EFHC2: variants seen among roughly 807,000 people sequenced by gnomAD.
EFHC2 encodes EF-hand domain containing 2, also known as EF-hand domain-containing family member C2.
Under a neutral mutation model 52.7 loss-of-function variants are expected in EFHC2, and 18 were observed. That is an observed-to-expected ratio of 0.34 (90% confidence interval 0.24 to 0.51). EFHC2 has a LOEUF of 0.51. Among genes scored for constraint, EFHC2 ranks in the 20% least tolerant of loss-of-function variants. The pLI is 0.97. For missense variants in EFHC2, 513 were observed against 562.5 expected, an observed-to-expected ratio of 0.91 and a Z score of 0.89; for synonymous variants, 203 against 204.1, an observed-to-expected ratio of 0.99 and a Z score of 0.04.
At chrX:44,213,495 A>T (rs1015240468) in intron 11 of EFHC2, among the ~76,000 whole-genome samples, 1 of 111,782 alleles carries the variant, frequency 8.9e-6, no homozygotes, top group African/African-American at 3.3e-5. Context: ...TACATGTAAG[A>T]TATACTTGTT....
chrX:44,338,443 T>C (rs757070360), intron 1 of EFHC2, among the ~76,000 whole-genome samples: 143 of 109,910 alleles, frequency 1.3e-3, no homozygotes, highest in African/African-American at 4.7e-3. Context: ...TGAGGCTGCG[T>C]GCAGTGAACT....
Position 44,286,840 on chromosome X carries a change from C to T in EFHC2, c.232-14004G>A, listed in dbSNP as rs189969505. ...ACCAGCCTGGGCAACATAGTGAAAC[C>T]TCGTCTCTACAAAAAAAAAATAAAA... On this transcript the variant is annotated intron_variant, in intron 2 of 14. Transcript: ENST00000420999. Among the ~76,000 whole-genome samples, 170 of 103,925 alleles carry T rather than the reference C, an allele frequency of 1.6e-3. 1 individual carries two copies. Among genetic ancestry groups the T allele is most frequent in the African/African-American group, 5.8e-3 (164 of 28,461 alleles). 90.2% of individuals were successfully genotyped at this position (103,925 alleles called of 115,157 possible). A position where few individuals can be genotyped will look rare whatever the true frequency, so the allele number is the denominator to read the frequency against.
At chrX:44,275,125 A>C (rs12116166) in intron 2 of EFHC2, among the ~76,000 whole-genome samples, 4 of 111,648 alleles carry the variant, frequency 3.6e-5, no homozygotes, top group African/African-American at 1.3e-4. Flanking sequence ...GCATAGGTCA[A>C]TTGACAACTG....
intron 7 of EFHC2, among the ~76,000 whole-genome samples, chrX:44,246,202 T>C (rs2037399811): frequency 8.9e-6 from 1 of 111,864 alleles, no homozygotes; most frequent in Admixed American, 9.5e-5. Flanking sequence ...CTAAGCAACA[T>C]TAAGGATATT....
At chrX:44,335,758 CAT>C (rs1391592410) in intron 1 of EFHC2, among the ~76,000 whole-genome samples, 1 of 111,994 alleles carries the variant, frequency 8.9e-6, no homozygotes, top group Non-Finnish European at 1.9e-5. Flanking sequence ...TTTTTGAACT[CAT>C]GTTATATTTT....
intron 2 of EFHC2, chrX:44,309,480 C>T (rs2037929301): frequency 1.7e-6 from 2 of 1,202,564 alleles, no homozygotes; most frequent in Admixed American, 4.3e-5. Flanking sequence ...AACCCAGTTC[C>T]AGCATAAGTC....
intron 1 of EFHC2, among the ~76,000 whole-genome samples, chrX:44,318,604 T>C (rs925890816): frequency 8.9e-6 from 1 of 112,310 alleles, no homozygotes; most frequent in Non-Finnish European, 1.9e-5. Flanking sequence ...ATGAGCTATA[T>C]GATGACCAAG....
At chrX:44,337,764 C>T (rs745382339) in intron 1 of EFHC2, among the ~76,000 whole-genome samples, 14 of 111,906 alleles carry the variant, frequency 1.3e-4, no homozygotes, top group African/African-American at 4.5e-4. Context: ...ATTACCATTT[C>T]GCATTCCCAC....
chrX:44,248,401 C>T lies in EFHC2; in HGVS notation c.982G>A (p.Val328Ile). The change falls in exon 7 of 15, where the codon GTA becomes ATA. Residue 328 changes from valine (V) to isoleucine (I), a missense_variant. By Grantham distance (29) the Val-to-Ile change is conservative. Transcript: ENST00000420999. ...CTATCTTTGTAAAACTCTTGGTCTA[C>T]TTTTCCTAGCTAAAAAAGACAAAGG... ...YLFDRYKLGK[V>I]DQEFYKDSDL... 2 of 1,187,789 alleles carry T rather than the reference C, an allele frequency of 1.7e-6. No individual in the cohort carries two copies. The highest frequency in any genetic ancestry group is 3.7e-5 in the South Asian group (2 of 53,611).
chrX:44,220,821 C>T (rs1158279536), intron 11 of EFHC2, among the ~76,000 whole-genome samples: 1 of 111,978 alleles, frequency 8.9e-6, no homozygotes, highest in Non-Finnish European at 1.9e-5. Flanking sequence ...TATCAATCCA[C>T]CTGTCCAAAT....
At chrX:44,196,764 G>A (rs1387230005) in intron 11 of EFHC2, among the ~76,000 whole-genome samples, 2 of 112,270 alleles carry the variant, frequency 1.8e-5, no homozygotes, top group African/African-American at 6.5e-5. Flanking sequence ...TGGAACTAAT[G>A]TCATGGATAT....
intron 4 of EFHC2, among the ~76,000 whole-genome samples, chrX:44,252,097 G>A (rs752319235): frequency 9.7e-4 from 108 of 111,503 alleles, no homozygotes; most frequent in African/African-American, 3.4e-3. Context: ...AGAATGCCCC[G>A]GAGAAACAGG....
intron 11 of EFHC2, among the ~76,000 whole-genome samples, chrX:44,214,922 T>G (rs949758234): frequency 1.8e-5 from 2 of 111,331 alleles, no homozygotes; most frequent in Non-Finnish European, 3.8e-5. Context: ...TATGATGTGG[T>G]TTGGTTCTGT....
rs777899751 is a variant in EFHC2 at position 44,282,054 on chromosome X, C to G, written c.232-9218G>C. On this transcript the variant is annotated intron_variant, in intron 2 of 14. Transcript: ENST00000420999. ...CCTCCTCTCAGGAACTCCATTTCCCCGCACGTAGTCCAAAGAAACAACCCA... is the reference window on the plus strand; with the variant it reads ...CCTCCTCTCAGGAACTCCATTTCCCGGCACGTAGTCCAAAGAAACAACCCA... Among the ~76,000 whole-genome samples the G allele has an allele frequency of 4.5e-5, 5 of 110,372 alleles. No homozygotes were observed. The South Asian group carries it at 1.9e-3, about 43-fold the overall frequency.
chrX:44,185,622 G>C (rs749081850), intron 11 of EFHC2, among the ~76,000 whole-genome samples: 7 of 109,812 alleles, frequency 6.4e-5, no homozygotes, highest in Non-Finnish European at 1.1e-4. Flanking sequence ...CTGCAACCAC[G>C]AACTCCTGAG....
At chrX:44,304,982 C>G (rs746824019) in intron 2 of EFHC2, among the ~76,000 whole-genome samples, 1 of 110,583 alleles carries the variant, frequency 9.0e-6, no homozygotes, top group Non-Finnish European at 1.9e-5. Context: ...TTAATGCAAG[C>G]CAGGCGTGGT....
In EFHC2 at chrX:44,261,283, C is replaced by T. The variant is rs775518457; in HGVS notation, c.398G>A (p.Arg133His). ...AGGAGGCGGAAGAGTAATCCGATGACGCCGGATAGAAGTCCCTATGGCATG... is the reference window on the plus strand; with the variant it reads ...AGGAGGCGGAAGAGTAATCCGATGATGCCGGATAGAAGTCCCTATGGCATG... ...SGLLQGTSIR[R>H]HRITLPPPDE... is the part of the protein sequence containing the mutation. The change falls in exon 4 of 15, where the codon CGT becomes CAT. Residue 133 changes from arginine (R) to histidine (H), a missense_variant. Transcript: ENST00000420999. The T allele has an allele frequency of 1.2e-5, 14 of 1,186,714 alleles. No homozygotes were observed. The East Asian group carries it at 2.4e-4, about 20-fold the overall frequency.
intron 11 of EFHC2, 117 bp from the exon 12 acceptor site, chrX:44,178,681 A>C (rs2036810538): frequency 1.1e-5 from 6 of 548,063 alleles, no homozygotes; most frequent in African/African-American, 2.4e-5. Context: ...AACTGTACAG[A>C]GGTCATGTGA....
intron 8 of EFHC2, among the ~76,000 whole-genome samples, chrX:44,240,472 A>G (rs2037351811): frequency 8.9e-6 from 1 of 112,170 alleles, no homozygotes; most frequent in Non-Finnish European, 1.9e-5. Context: ...GGGTTCCAGA[A>G]ACAACACCCT....
Sources: gnomAD v4.1 joint callset for allele counts (sites outside exome capture counted in the v4.1 genomes callset) on GRCh38, gnomAD v4.1.1 for gene constraint, MANE v1.5 for transcripts, NCBI Gene and HGNC (gene_info 2026-07-23, HGNC 2026-07-21) for gene names.